Variants in CNTRL observed in about 807,000 individuals in gnomAD.
CNTRL encodes 110 kDa centrosomal protein.
In CNTRL, 233 loss-of-function variants were observed where a neutral mutation model predicts 303.7. The observed-to-expected ratio is 0.77, with a 90% CI of 0.69 to 0.86. The LOEUF (loss-of-function observed/expected upper bound fraction) is 0.86. Among genes scored for constraint, CNTRL ranks in the 40% least tolerant of loss-of-function variants. The probability of loss-of-function intolerance (pLI) is 0.00; values close to 1 mark genes in which losing one functional copy is unlikely to be tolerated. For synonymous variants in CNTRL, 900 were observed against 922.2 expected, an observed-to-expected ratio of 0.98 and a Z score of 0.44; for missense variants, 2,524 against 2,650.6, an observed-to-expected ratio of 0.95 and a Z score of 1.05.
chr9:121,156,340 A>G (rs575106332), intron 27 of CNTRL, among the ~76,000 whole-genome samples: 5 of 152,202 alleles, frequency 3.3e-5, no homozygotes, highest in Middle Eastern at 3.4e-3. Context: ...GCTTGGTAAG[A>G]AGGAGGAGGA....
chr9:121,167,342 CT>C lies in CNTRL; in HGVS notation c.5656-145del, dbSNP rs776185689. ...AAGTTGGATTAGACATCTAAATTCTCTTGTACCTGTAAGTTTATTGAGATAA... is the reference window on the plus strand; with the variant it reads ...AAGTTGGATTAGACATCTAAATTCTCTGTACCTGTAAGTTTATTGAGATAA... On this transcript the variant is annotated intron_variant, in intron 36 of 43. Coordinates refer to ENST00000373855, the MANE Select transcript of CNTRL (RefSeq NM_007018.6). 1.2e-3 allele frequency: 817 copies of C among 665,440 alleles called. 1 individual carries two copies. The highest frequency in any genetic ancestry group is 1.6e-3 in the Non-Finnish European group (657 of 398,706). 41.2% of individuals were successfully genotyped at this position (665,440 alleles called of 1,614,324 possible). A position where few individuals can be genotyped will look rare whatever the true frequency, so the allele number is the denominator to read the frequency against.
At chr9:121,076,337 A>G (rs1471088971) in intron 1 of CNTRL, among the ~76,000 whole-genome samples, 1 of 151,944 alleles carries the variant, frequency 6.6e-6, no homozygotes. Flanking sequence ...TCTGAGCAGA[A>G]GAAGAGAGAT....
At chr9:121,094,446 A>T (rs1009407842) in intron 4 of CNTRL, among the ~76,000 whole-genome samples, 8 of 152,218 alleles carry the variant, frequency 5.3e-5, no homozygotes, top group African/African-American at 1.7e-4. Flanking sequence ...TCCTGAGGGC[A>T]GAACCCTCAT....
In CNTRL at chr9:121,145,228, T is replaced by G. The variant is rs2051774238; in HGVS notation, c.3169-16T>G. ...GAATTCATTGGCAACTTTGTATGTG[T>G]AATTTTTTTAAATAGTTTCGACTTG... On this transcript the variant is annotated splice_polypyrimidine_tract_variant and intron_variant, in intron 21 of 43. Transcript: ENST00000373855. 1 of 1,598,642 alleles carries G rather than the reference T, an allele frequency of 6.3e-7. No individual in the cohort carries two copies. Among genetic ancestry groups the G allele is most frequent in the South Asian group, 1.1e-5 (1 of 87,892 alleles).
Position 121,144,933 on chromosome 9 carries a change from A to G in CNTRL, c.3142A>G (p.Asn1048Asp). 1.2e-6 allele frequency: 2 copies of G among 1,613,550 alleles called. No individual in the cohort carries two copies. Among genetic ancestry groups the G allele is most frequent in the Non-Finnish European group, 1.7e-6 (2 of 1,179,818 alleles). The change falls in exon 21 of 44, where the codon AAT (asparagine) becomes GAT (aspartate). Residue 1048 changes from asparagine (N) to aspartate (D), a missense_variant. Asn to Asp is a conservative substitution (Grantham distance 23, BLOSUM62 1). Coordinates refer to ENST00000373855, the MANE Select transcript of CNTRL (RefSeq NM_007018.6). ...AGAAGCTGAGATCGAACTCCTGCAG[A>G]ATCTCCTCAGGCAGAAGGGGGAGCA... ...RAEAEIELLQNLLRQKGEQFR... is the reference protein window; with the variant it reads ...RAEAEIELLQDLLRQKGEQFR...
chr9:121,174,277 G>T (rs564164171), intron 42 of CNTRL, among the ~76,000 whole-genome samples: 1 of 152,144 alleles, frequency 6.6e-6, no homozygotes, highest in Admixed American at 6.5e-5. Context: ...ACATTTATGT[G>T]GGGGGAATGG....
At chr9:121,161,835 T>C (rs778413381) in intron 32 of CNTRL, 21 bp from the exon 33 acceptor site, 3 of 1,530,720 alleles carry the variant, frequency 2.0e-6, no homozygotes, top group Admixed American at 3.4e-5. Context: ...TCATGGACCA[T>C]GCTTTGTTTC....
chr9:121,096,446 GTGTAA>G lies in CNTRL; in HGVS notation c.506_510del (p.Cys169SerfsTer5). 6.4e-7 allele frequency: 1 copy of G among 1,555,240 alleles called. No homozygotes were observed. The highest frequency in any genetic ancestry group is 1.4e-5 in the African/African-American group (1 of 73,478). On this transcript the variant is annotated frameshift_variant, in exon 6 of 44. Coordinates refer to ENST00000373855, the MANE Select transcript of CNTRL (RefSeq NM_007018.6). LOFTEE classifies it high-confidence loss of function. Reference sequence around the variant, plus strand: ...GCAAAATTGAAGGCATAGAAAATATGTGTAATCTGCAAAAGCTTAACCTTGCAGGA... The same window carrying G: ...GCAAAATTGAAGGCATAGAAAATATGTCTGCAAAAGCTTAACCTTGCAGGA...
At chr9:121,094,745 A>C in intron 4 of CNTRL, 143 bp from the exon 5 acceptor site, 3 of 553,580 alleles carry the variant, frequency 5.4e-6, no homozygotes, top group Non-Finnish European at 9.2e-6. Context: ...GGAGAGCTGC[A>C]TCAAGGGATT....
chr9:121,164,257 A>G (rs947015840), intron 34 of CNTRL, among the ~76,000 whole-genome samples: 8 of 152,242 alleles, frequency 5.3e-5, no homozygotes, highest in Non-Finnish European at 1.2e-4. Context: ...AAAATCAAAC[A>G]TACGCCAATC....
Position 121,150,464 on chromosome 9 carries a change from T to C in CNTRL, c.3944T>C (p.Val1315Ala). 2 of 1,614,138 alleles carry C rather than the reference T, an allele frequency of 1.2e-6. No homozygotes were observed. Among genetic ancestry groups the C allele is most frequent in the Non-Finnish European group, 1.7e-6 (2 of 1,180,014 alleles). ...FIPMGVLHCN[V>A]PEHHNLENEV... ...CCTATGGGTGTGCTGCATTGCAACG[T>C]CCCTGAACACCATAACTTAGTAAGT... Residue 1315 changes from valine to alanine, a missense_variant, in exon 25 of 44, where the codon GTC (valine) becomes GCC (alanine). Physicochemically the swap from Val to Ala is moderately conservative, Grantham distance 64 (BLOSUM62 0). Transcript: ENST00000373855.
chr9:121,171,813 A>C (rs2053316046), intron 40 of CNTRL, among the ~76,000 whole-genome samples: 1 of 152,204 alleles, frequency 6.6e-6, no homozygotes. Context: ...ATCATATTTC[A>C]TGTCCCAAAG....
At chr9:121,170,150 A>G (rs771068875) in intron 39 of CNTRL, among the ~76,000 whole-genome samples, 5 of 151,868 alleles carry the variant, frequency 3.3e-5, no homozygotes, top group Non-Finnish European at 5.9e-5. Flanking sequence ...CCTTCTCTAG[A>G]CGGTTGTTTT....
intron 17 of CNTRL, 54 bp downstream of exon 17, chr9:121,140,840 T>A (rs1564261890): frequency 4.5e-6 from 7 of 1,544,016 alleles, no homozygotes; most frequent in African/African-American, 1.4e-5. Flanking sequence ...ACTTGAGAGT[T>A]GTGAGTGTGA....
At chr9:121,136,148 C>G (rs927278442) in intron 15 of CNTRL, among the ~76,000 whole-genome samples, 166 bp downstream of exon 15, 6 of 152,064 alleles carry the variant, frequency 3.9e-5, no homozygotes, top group Admixed American at 2.0e-4. Flanking sequence ...GTGCTAATAA[C>G]TACCCCTGTG....
At chr9:121,105,236 T>C (rs1233484808) in intron 7 of CNTRL, among the ~76,000 whole-genome samples, 2 of 152,198 alleles carry the variant, frequency 1.3e-5, no homozygotes, top group Admixed American at 6.5e-5. Flanking sequence ...GAAACGTTTA[T>C]GGCCTGTAGT....
At chr9:121,129,079 C>T (rs1466231678) in intron 14 of CNTRL, among the ~76,000 whole-genome samples, 2 of 152,172 alleles carry the variant, frequency 1.3e-5, no homozygotes, top group Non-Finnish European at 2.9e-5. Context: ...TAGCGTGATG[C>T]CTCCAGCTTT....
intron 4 of CNTRL, among the ~76,000 whole-genome samples, chr9:121,093,040 C>T (rs944827371): frequency 6.6e-6 from 1 of 150,894 alleles, no homozygotes; most frequent in Non-Finnish European, 1.5e-5. Flanking sequence ...ATCTCCTGAC[C>T]TTGTGATCTC....
intron 14 of CNTRL, among the ~76,000 whole-genome samples, chr9:121,133,365 C>T (rs935379580): frequency 6.6e-6 from 1 of 152,264 alleles, no homozygotes; most frequent in Non-Finnish European, 1.5e-5. Context: ...CGCCCCTCCC[C>T]CTGCCAGGCT....
Sources: gnomAD v4.1 joint callset for allele counts (sites outside exome capture counted in the v4.1 genomes callset) on GRCh38, gnomAD v4.1.1 for gene constraint, MANE v1.5 for transcripts, NCBI Gene and HGNC (gene_info 2026-07-23, HGNC 2026-07-21) for gene names.